SPRED2: variants seen among roughly 807,000 people sequenced by gnomAD.
The protein encoded by SPRED2 is sprouty related EVH1 domain containing 2.
Under a neutral mutation model 43.0 loss-of-function variants are expected in SPRED2, and 47 were observed. The ratio of observed to expected loss-of-function variants is 1.09; its 90% confidence interval spans 0.87 to 1.40. SPRED2 has a LOEUF of 1.40. Ranked by LOEUF, SPRED2 falls within the 40% of genes most tolerant of loss-of-function variation. The pLI is 0.00. For synonymous variants in SPRED2, 225 were observed against 225.7 expected, an observed-to-expected ratio of 1.00 and a Z score of 0.03; for missense variants, 561 against 586.4, an observed-to-expected ratio of 0.96 and a Z score of 0.45.
intron 1 of SPRED2, among the ~76,000 whole-genome samples, chr2:65,355,825 G>A (rs1256127700): frequency 6.6e-6 from 1 of 152,134 alleles, no homozygotes; most frequent in Non-Finnish European, 1.5e-5. Context: ...CCATCCCGAA[G>A]AAACGTTTCT....
chr2:65,375,920 T>C (rs945826083), intron 1 of SPRED2, among the ~76,000 whole-genome samples: 3 of 152,312 alleles, frequency 2.0e-5, no homozygotes, highest in East Asian at 3.9e-4. Flanking sequence ...CATTTGAACA[T>C]TCCAAAGCTA....
At chr2:65,331,861 G>A (rs953000945) in intron 4 of SPRED2, 126 bp downstream of exon 4, 14 of 674,676 alleles carry the variant, frequency 2.1e-5, no homozygotes, top group Middle Eastern at 2.6e-4. Context: ...GACAGAGATC[G>A]CTCTGATGCC....
At chr2:65,401,989 TAGGTAATTCTAA>T (rs1419532256) in intron 1 of SPRED2, among the ~76,000 whole-genome samples, 58 of 146,406 alleles carry the variant, frequency 4.0e-4, no homozygotes, top group African/African-American at 1.3e-3. Flanking sequence ...TAATTTGTCT[TAGGTAATTCTAA>T]AGGAACACAG....
Position 65,432,047 on chromosome 2 carries a change from G to A in SPRED2, c.-60C>T, listed in dbSNP as rs1668870851. ...GCAGCTTTGCTCCCTTCATCTTCCT[G>A]TCCGCTCGCCCCCCTTCTTCACATC... On this transcript the variant is annotated 5_prime_UTR_variant, in exon 1 of 6. Coordinates refer to ENST00000356388, the MANE Select transcript of SPRED2 (RefSeq NM_181784.3). The A allele has an allele frequency of 1.2e-6, 2 of 1,607,770 alleles. No individual in the cohort carries two copies. The highest frequency in any genetic ancestry group is 1.3e-5 in the African/African-American group (1 of 74,808).
At chr2:65,378,179 TA>T (rs1204532202) in intron 1 of SPRED2, 1 of 154,526 alleles carries the variant, frequency 6.5e-6, no homozygotes, top group African/African-American at 2.4e-5. Flanking sequence ...GTCAAACTAC[TA>T]AAAGTGAGTA....
At position 65,407,976 on chromosome 2, in the gene SPRED2, G is replaced by T. The variant is rs181040041; in HGVS notation, c.26+23986C>A. On this transcript the variant is annotated intron_variant, in intron 1 of 5. Transcript: ENST00000356388. Reference sequence around the variant, plus strand: ...ATGTTATCAAAACGATTATGACATGGTCCCTGTGTAGAGAGGCATTCCCTA... The same window carrying T: ...ATGTTATCAAAACGATTATGACATGTTCCCTGTGTAGAGAGGCATTCCCTA... Among the ~76,000 whole-genome samples, 8 of 152,368 alleles carry T rather than the reference G, an allele frequency of 5.3e-5. No individual in the cohort carries two copies. The East Asian group carries it at 1.5e-3, about 29-fold the overall frequency.
chr2:65,318,431 A>T (rs1673310881), intron 4 of SPRED2, among the ~76,000 whole-genome samples: 1 of 151,580 alleles, frequency 6.6e-6, no homozygotes, highest in Admixed American at 6.6e-5. Context: ...GCCTTGTTAG[A>T]TGCAGCTGGC....
intron 1 of SPRED2, among the ~76,000 whole-genome samples, chr2:65,358,492 C>A (rs1674719225): frequency 6.6e-6 from 1 of 152,184 alleles, no homozygotes; most frequent in South Asian, 2.1e-4. Flanking sequence ...AACATGAACT[C>A]CCCAGCCCCA....
chr2:65,415,117 TACATA>T (rs1292651934), intron 1 of SPRED2, among the ~76,000 whole-genome samples: 1 of 152,248 alleles, frequency 6.6e-6, no homozygotes, highest in South Asian at 2.1e-4. Context: ...TACTAAAATA[TACATA>T]ACATAAAACT....
At chr2:65,367,610 T>A (rs934330863) in intron 1 of SPRED2, among the ~76,000 whole-genome samples, 1 of 152,192 alleles carries the variant, frequency 6.6e-6, no homozygotes, top group East Asian at 1.9e-4. Flanking sequence ...CTGGGAGGTA[T>A]GATACATGTA....
rs778669871 is a variant in SPRED2, at chr2:65,410,030, GA to G, written c.26+21931del. Among the ~76,000 whole-genome samples the G allele has an allele frequency of 9.8e-3, 1,024 of 104,268 alleles. 9 individuals are homozygous for G. The highest frequency in any genetic ancestry group is 0.025 in the African/African-American group (684 of 27,704). 68.4% of individuals were successfully genotyped at this position (104,268 alleles called of 152,430 possible). A position where few individuals can be genotyped will look rare whatever the true frequency, so the allele number is the denominator to read the frequency against. ...GGTAACAGAGTGAGACTCTGCCTCG[GA>G]AAAAAAAAAAAAAAAGAATAATTTT... On this transcript the variant is annotated intron_variant, in intron 1 of 5. Coordinates refer to ENST00000356388, the MANE Select transcript of SPRED2 (RefSeq NM_181784.3).
chr2:65,350,202 G>T lies in SPRED2; in HGVS notation c.27-5306C>A, dbSNP rs573030013. The stretch of plus-strand genomic sequence containing the variant: ...CAACATCTGTTTAAAACAGATGCAG[G>T]GTTTGTTAGTGGTGGGGGGATGGGG... On this transcript the variant is annotated intron_variant, in intron 1 of 5. Transcript: ENST00000356388. Among the ~76,000 whole-genome samples the T allele has an allele frequency of 4.6e-5, 7 of 152,292 alleles. No individual in the cohort carries two copies. In the South Asian group the frequency reaches 1.5e-3, roughly 32 times the overall value.
intron 1 of SPRED2, among the ~76,000 whole-genome samples, chr2:65,386,410 T>C (rs746987853): frequency 5.9e-5 from 9 of 151,972 alleles, no homozygotes; most frequent in Non-Finnish European, 1.3e-4. Context: ...CTAACAATTA[T>C]GGAGACAAGT....
intron 1 of SPRED2, among the ~76,000 whole-genome samples, chr2:65,355,482 C>G (rs940411373): frequency 6.6e-6 from 1 of 151,944 alleles, no homozygotes; most frequent in Non-Finnish European, 1.5e-5. Flanking sequence ...TTTGGGGGGA[C>G]GAGGCAGGTG....
chr2:65,322,286 A>AT (rs1558649792), intron 4 of SPRED2, among the ~76,000 whole-genome samples: 1 of 98,354 alleles, frequency 1.0e-5, no homozygotes, highest in African/African-American at 4.8e-5. Context: ...ATATATATAT[A>AT]TATATATATT....
intron 1 of SPRED2, among the ~76,000 whole-genome samples, chr2:65,402,786 C>T (rs1224126226): frequency 1.3e-5 from 2 of 152,170 alleles, no homozygotes; most frequent in East Asian, 3.8e-4. Flanking sequence ...CTGAAGAAAT[C>T]CTCTGATAAT....
chr2:65,353,841 G>C (rs1174284048), intron 1 of SPRED2, among the ~76,000 whole-genome samples: 1 of 152,004 alleles, frequency 6.6e-6, no homozygotes, highest in Non-Finnish European at 1.5e-5. Context: ...CAGGTCACTA[G>C]AGCCAGAGCA....
chr2:65,330,796 GACTT>G (rs1247908325), intron 4 of SPRED2, among the ~76,000 whole-genome samples: 1 of 152,158 alleles, frequency 6.6e-6, no homozygotes, highest in Non-Finnish European at 1.5e-5. Flanking sequence ...TACGAGAGGT[GACTT>G]ACTTTCAAAT....
At chr2:65,345,757 T>C (rs1052347246) in intron 1 of SPRED2, among the ~76,000 whole-genome samples, 6 of 152,238 alleles carry the variant, frequency 3.9e-5, no homozygotes, top group Admixed American at 1.3e-4. Context: ...CCTTTACATA[T>C]TTGTAGACTT....
Sources: gnomAD v4.1 joint callset for allele counts (sites outside exome capture counted in the v4.1 genomes callset) on GRCh38, gnomAD v4.1.1 for gene constraint, MANE v1.5 for transcripts, NCBI Gene and HGNC (gene_info 2026-07-23, HGNC 2026-07-21) for gene names.